The following RALY variants were observed in gnomAD, a reference collection of about 807,000 sequenced individuals.
The protein encoded by RALY is RALY heterogeneous nuclear ribonucleoprotein.
Under a neutral mutation model 30.7 loss-of-function variants are expected in RALY, and 15 were observed. The ratio of observed to expected loss-of-function variants is 0.49; its 90% confidence interval spans 0.33 to 0.75. The LOEUF (loss-of-function observed/expected upper bound fraction) is 0.75, where lower values mean the gene tolerates loss of function less well. RALY is among the 30% of genes least tolerant of loss of function. The pLI is 0.02. For missense variants in RALY, 339 were observed against 414.3 expected (o/e 0.82, Z 1.58); for synonymous variants, 177 against 170.8 (o/e 1.04, Z -0.28).
chr20:34,077,083 C>A lies in RALY; in HGVS notation c.714C>A (p.Gly238=). ...GGAGGGGGGG[G]SGGGGSGGGG... is the part of the protein sequence containing the mutation. The stretch of plus-strand genomic sequence containing the variant: ...CCGGCGGCGGCGGCGGTGGTGGTGG[C>A]AGCGGTGGCGGTGGCAGTGGTGGTG... The change falls in exon 8 of 10, where the codon GGC becomes GGA. Residue 238 remains glycine (G), a synonymous_variant. Transcript: ENST00000246194. 1 of 1,605,168 alleles carries A rather than the reference C, an allele frequency of 6.2e-7. No homozygotes were observed. The highest frequency in any genetic ancestry group is 8.5e-7 in the Non-Finnish European group (1 of 1,176,080).
rs1012769817 is a variant in RALY at position 34,081,097 on chromosome 20, C to T, written c.*1192C>T. Reference sequence around the variant, plus strand: ...GTCACCTACTTCCCCCTTCATTCCCCACAATGAATGGATCCATTTTCCCCA... The same window carrying T: ...GTCACCTACTTCCCCCTTCATTCCCTACAATGAATGGATCCATTTTCCCCA... On this transcript the variant is annotated 3_prime_UTR_variant, in exon 10 of 10. Transcript: ENST00000246194. The T allele has an allele frequency of 1.3e-5, 2 of 152,210 alleles. No homozygotes were observed. The highest frequency in any genetic ancestry group is 2.9e-5 in the Non-Finnish European group (2 of 68,054). 9.4% of individuals were successfully genotyped at this position (152,210 alleles called of 1,614,324 possible). A position where few individuals can be genotyped will look rare whatever the true frequency, so the allele number is the denominator to read the frequency against.
intron 1 of RALY, among the ~76,000 whole-genome samples, chr20:34,022,395 G>A (rs916899870): frequency 6.6e-6 from 1 of 152,106 alleles, no homozygotes; most frequent in African/African-American, 2.4e-5. Flanking sequence ...CAAAGCAGCT[G>A]ATGTTGTGGG....
intron 1 of RALY, among the ~76,000 whole-genome samples, chr20:34,025,328 ATC>A (rs2031980692): frequency 6.7e-6 from 1 of 148,150 alleles, no homozygotes; most frequent in Non-Finnish European, 1.5e-5. Flanking sequence ...TTTTAAGACA[ATC>A]TCAGTCTGTT....
intron 1 of RALY, among the ~76,000 whole-genome samples, chr20:34,013,183 TAA>T (rs2031476497): frequency 6.6e-6 from 1 of 151,998 alleles, no homozygotes; most frequent in Admixed American, 6.6e-5. Flanking sequence ...TTAGGTGTAT[TAA>T]ATGCATTTTC....
chr20:34,065,260 T>G (rs1303154534), intron 2 of RALY: 2 of 152,364 alleles, frequency 1.3e-5, no homozygotes, highest in East Asian at 3.9e-4. Context: ...TCACATCAAT[T>G]AGCCTATTTG....
chr20:34,022,548 T>C (rs1345555183), intron 1 of RALY, among the ~76,000 whole-genome samples: 3 of 152,146 alleles, frequency 2.0e-5, no homozygotes, highest in Non-Finnish European at 2.9e-5. Context: ...GCTGGCTTTA[T>C]CCCTCAGTCA....
intron 2 of RALY, among the ~76,000 whole-genome samples, chr20:34,062,606 T>A (rs760646656): frequency 6.6e-6 from 1 of 152,134 alleles, no homozygotes; most frequent in Non-Finnish European, 1.5e-5. Context: ...TGGAGCAGGG[T>A]TTTCCTTGAG....
intron 2 of RALY, among the ~76,000 whole-genome samples, chr20:34,048,343 T>C (rs1194232682): frequency 6.6e-6 from 1 of 152,124 alleles, no homozygotes; most frequent in African/African-American, 2.4e-5. Flanking sequence ...TCCTATGCTA[T>C]GGAGCATATA....
intron 2 of RALY, among the ~76,000 whole-genome samples, chr20:34,068,871 C>G (rs541644286): frequency 1.3e-5 from 2 of 152,200 alleles, no homozygotes; most frequent in African/African-American, 2.4e-5. Flanking sequence ...ATACCTGTCT[C>G]CTTGGGCTGA....
Position 34,076,802 on chromosome 20 carries a change from A to G in RALY, c.645A>G (p.Gln215=), listed in dbSNP as rs764563835. The change falls in exon 7 of 10, where the codon CAA becomes CAG. Residue 215 remains glutamine (Q), a synonymous_variant. Coordinates refer to ENST00000246194, the MANE Select transcript of RALY (RefSeq NM_016732.3). Reference sequence around the variant, plus strand: ...GCTTGGAGCAGATCGCTGCGGAGCAAAAGGCCAATCCAGGTCAGCCTCTGA... The same window carrying G: ...GCTTGGAGCAGATCGCTGCGGAGCAGAAGGCCAATCCAGGTCAGCCTCTGA... ...LSRLEQIAAE[Q]KANPDGKKKG... The G allele has an allele frequency of 3.7e-6, 6 of 1,614,012 alleles. No individual in the cohort carries two copies. In the South Asian group the frequency reaches 5.5e-5, roughly 15 times the overall value.
At chr20:34,066,118 C>T (rs1401629146) in intron 2 of RALY, among the ~76,000 whole-genome samples, 1 of 151,842 alleles carries the variant, frequency 6.6e-6, no homozygotes, top group East Asian at 1.9e-4. Context: ...TAGCTACACT[C>T]CCCTCACCAG....
chr20:34,070,110 G>A (rs1432515426), intron 2 of RALY, among the ~76,000 whole-genome samples: 2 of 152,192 alleles, frequency 1.3e-5, no homozygotes, highest in Admixed American at 1.3e-4. Context: ...AAGAGATACA[G>A]ATGTATCTTT....
At chr20:34,015,607 A>G (rs1418647583) in intron 1 of RALY, among the ~76,000 whole-genome samples, 1 of 151,104 alleles carries the variant, frequency 6.6e-6, no homozygotes, top group Non-Finnish European at 1.5e-5. Context: ...TTAACCTCCC[A>G]CAGTGCTGGG....
At chr20:34,036,057 G>C (rs2032484823) in intron 2 of RALY, among the ~76,000 whole-genome samples, 2 of 152,048 alleles carry the variant, frequency 1.3e-5, no homozygotes, top group Admixed American at 1.3e-4. Flanking sequence ...ACAGGGACCA[G>C]ATCATGGAGA....
At chr20:34,046,834 T>G (rs1286769964) in intron 2 of RALY, among the ~76,000 whole-genome samples, 2 of 149,092 alleles carry the variant, frequency 1.3e-5, no homozygotes, top group African/African-American at 4.9e-5. Flanking sequence ...TTTTTTTTTT[T>G]TTGAGATGGA....
intron 8 of RALY, 158 bp downstream of exon 8, chr20:34,077,403 A>C: frequency 6.7e-7 from 1 of 1,483,854 alleles, no homozygotes; most frequent in South Asian, 1.3e-5. Context: ...GGGAAGAATG[A>C]GCAGGGGGCA....
At chr20:34,077,382 TG>T in intron 8 of RALY, 137 bp downstream of exon 8, 1 of 1,526,382 alleles carries the variant, frequency 6.6e-7, no homozygotes, top group Non-Finnish European at 8.8e-7. Context: ...GTTCTGGTCC[TG>T]GGGGAAAGAG....
At chr20:34,006,836 T>C (rs2284379) in intron 1 of RALY, among the ~76,000 whole-genome samples, 113,271 of 152,134 alleles carry the variant, frequency 0.74, 42,672 homozygotes, top group South Asian at 0.85. Flanking sequence ...TGCACAGGGA[T>C]GAAATCGCCT....
chr20:34,076,030 C>G lies in RALY; in HGVS notation c.534C>G (p.Ala178=). The change falls in exon 6 of 10, where the codon GCC becomes GCG. Residue 178 remains alanine, a synonymous_variant. Coordinates refer to ENST00000246194, the MANE Select transcript of RALY (RefSeq NM_016732.3). The part of the protein sequence containing the change: ...ARSTAVTTSS[A]KIKLKSSELQ... ...CCACAGCTGTCACCACCAGCTCAGCCAAGATCAAGTGTGAGTGACTGTATC... is the reference window on the plus strand; with the variant it reads ...CCACAGCTGTCACCACCAGCTCAGCGAAGATCAAGTGTGAGTGACTGTATC... The G allele has an allele frequency of 6.2e-7, 1 of 1,613,922 alleles. No homozygotes were observed. Among genetic ancestry groups the G allele is most frequent in the Non-Finnish European group, 8.5e-7 (1 of 1,179,810 alleles).
Sources: allele counts gnomAD v4.1 joint callset (sites outside exome capture counted in the v4.1 genomes callset), GRCh38; gene constraint gnomAD v4.1.1; transcripts MANE v1.5; gene names NCBI Gene and HGNC (gene_info 2026-07-23, HGNC 2026-07-21).